The following TLN2 variants were observed in gnomAD, a reference collection of about 807,000 sequenced individuals.
TLN2 encodes talin 2, also known as talin-2.
In TLN2, 118 loss-of-function variants were observed where a neutral mutation model predicts 294.7. That is an observed-to-expected ratio of 0.40 (90% confidence interval 0.34 to 0.47). TLN2 has a LOEUF of 0.47. Among genes scored for constraint, TLN2 ranks in the 20% least tolerant of loss-of-function variants. The pLI is 0.84. For synonymous variants in TLN2, 1,431 were observed against 1,304.5 expected (o/e 1.10, Z -2.09); for missense variants, 3,083 against 3,282.2 (o/e 0.94, Z 1.48).
At chr15:62,642,904 G>T (rs2051307485) in intron 3 of TLN2, among the ~76,000 whole-genome samples, 1 of 152,170 alleles carries the variant, frequency 6.6e-6, no homozygotes, top group Non-Finnish European at 1.5e-5. Context: ...GTTTCGCCAT[G>T]TTGGCCAGGC....
intron 2 of TLN2, among the ~76,000 whole-genome samples, chr15:62,614,852 G>A (rs544320386): frequency 2.6e-5 from 4 of 152,164 alleles, no homozygotes; most frequent in East Asian, 3.9e-4. Flanking sequence ...ATGGAGTTTC[G>A]CTCTGTGCAG....
chr15:62,811,221 G>A (rs939960347), intron 52 of TLN2, among the ~76,000 whole-genome samples: 2 of 152,212 alleles, frequency 1.3e-5, no homozygotes, highest in Non-Finnish European at 2.9e-5. Context: ...ATTCTGAAGT[G>A]CATTTTTTGG....
At chr15:62,730,029 CT>C (rs11368681) in intron 28 of TLN2, among the ~76,000 whole-genome samples, 7 of 121,168 alleles carry the variant, frequency 5.8e-5, no homozygotes, top group Admixed American at 9.7e-5. Context: ...TTATTGTTGT[CT>C]TTTTTTTTTT....
intron 1 of TLN2, among the ~76,000 whole-genome samples, chr15:62,549,480 GCATCCATCCATCCATCCATCCATC>G (rs58665636): frequency 6.8e-6 from 1 of 147,756 alleles, no homozygotes; most frequent in Non-Finnish European, 1.5e-5. Flanking sequence ...TGCATGCCAT[GCATCCATCCATCCATCCATCCATC>G]CATCCATCCA....
intron 21 of TLN2, 43 bp downstream of exon 21, chr15:62,708,839 T>C (rs763041183): frequency 1.9e-5 from 30 of 1,559,864 alleles, no homozygotes; most frequent in Non-Finnish European, 2.5e-5. Context: ...TGGCTTTTGA[T>C]GTTCCTGATG....
chr15:62,611,783 A>C (rs1455066044), intron 2 of TLN2, among the ~76,000 whole-genome samples: 2 of 152,174 alleles, frequency 1.3e-5, no homozygotes, highest in African/African-American at 4.8e-5. Flanking sequence ...TCTACCACTG[A>C]CTAGCCACAT....
chr15:62,778,905 C>A (rs1041924631), intron 43 of TLN2, among the ~76,000 whole-genome samples: 1 of 152,234 alleles, frequency 6.6e-6, no homozygotes, highest in Non-Finnish European at 1.5e-5. Context: ...TCTCCCTTTG[C>A]TCAGCATGTT....
intron 1 of TLN2, among the ~76,000 whole-genome samples, chr15:62,518,045 T>G (rs1427249617): frequency 6.9e-5 from 3 of 43,336 alleles, no homozygotes; most frequent in East Asian, 1.1e-3. Flanking sequence ...CTAGCAGCAG[T>G]TTTTTTTTTT....
In TLN2 at chr15:62,761,753, G is replaced by A. The variant is rs2141021734; in HGVS notation, c.4711G>A (p.Val1571Met). Residue 1571 changes from valine to methionine, a missense_variant, in exon 38 of 59, where the codon GTG becomes ATG. Coordinates refer to ENST00000636159, the MANE Select transcript of TLN2 (RefSeq NM_015059.3). The stretch of plus-strand genomic sequence containing the variant: ...CGCCACCGCACCCTTGATTGAAGCT[G>A]TGGAGAACCTGACAGCGTTCGCCTC... ...RIATAPLIEA[V>M]ENLTAFASNP... 6.2e-7 allele frequency: 1 copy of A among 1,614,200 alleles called. No individual in the cohort carries two copies. Among genetic ancestry groups the A allele is most frequent in the Non-Finnish European group, 8.5e-7 (1 of 1,180,036 alleles).
chr15:62,463,049 C>T (rs4775504), intron 1 of TLN2, among the ~76,000 whole-genome samples: 19,489 of 152,146 alleles, frequency 0.13, 1,409 homozygotes, highest in African/African-American at 0.18. Context: ...GTAGGGGTGC[C>T]TCTTGCCTTT....
At chr15:62,761,962 A>G (rs2062705844) in intron 38 of TLN2, 141 bp downstream of exon 38, 1 of 1,156,848 alleles carries the variant, frequency 8.6e-7, no homozygotes, top group Non-Finnish European at 1.3e-6. Flanking sequence ...TGGCATGTGC[A>G]CAGTTAGTGA....
intron 28 of TLN2, among the ~76,000 whole-genome samples, chr15:62,735,487 C>G (rs1002701256): frequency 2.0e-5 from 3 of 152,284 alleles, no homozygotes; most frequent in African/African-American, 7.2e-5. Context: ...CAAAGATGCT[C>G]AACATCATTA....
chr15:62,817,057 A>G (rs1425542696), intron 52 of TLN2, among the ~76,000 whole-genome samples: 1 of 152,200 alleles, frequency 6.6e-6, no homozygotes, highest in East Asian at 1.9e-4. Context: ...CCACAGCTCT[A>G]TAAAGGAAGA....
intron 2 of TLN2, among the ~76,000 whole-genome samples, chr15:62,603,318 G>A (rs372866144): frequency 3.9e-5 from 6 of 152,180 alleles, no homozygotes; most frequent in African/African-American, 1.4e-4. Flanking sequence ...GCAAATGTGT[G>A]CATACTTTTG....
At chr15:62,709,135 A>C (rs2059259636) in intron 21 of TLN2, among the ~76,000 whole-genome samples, 1 of 152,192 alleles carries the variant, frequency 6.6e-6, no homozygotes, top group African/African-American at 2.4e-5. Context: ...AAGGCTTGGA[A>C]TTTAAGAAGT....
intron 2 of TLN2, among the ~76,000 whole-genome samples, chr15:62,600,738 A>G (rs2046924948): frequency 6.6e-6 from 1 of 152,198 alleles, no homozygotes; most frequent in South Asian, 2.1e-4. Flanking sequence ...AAGTCCAAAG[A>G]TGATTAATTC....
chr15:62,585,766 A>G (rs1303194959), intron 1 of TLN2, among the ~76,000 whole-genome samples: 1 of 152,168 alleles, frequency 6.6e-6, no homozygotes, highest in Non-Finnish European at 1.5e-5. Context: ...GATCTTATCC[A>G]TATTCATAAT....
chr15:62,775,722 A>G (rs956382794), intron 42 of TLN2, among the ~76,000 whole-genome samples: 10 of 152,240 alleles, frequency 6.6e-5, no homozygotes, highest in Admixed American at 6.5e-4. Context: ...AAGATGCAGT[A>G]TCTTGGCCTT....
chr15:62,838,933 TGAC>T lies in TLN2; in HGVS notation c.7458_7460del (p.Asp2487del). On this transcript the variant is annotated inframe_deletion, in exon 58 of 59. Coordinates refer to ENST00000636159, the MANE Select transcript of TLN2 (RefSeq NM_015059.3). ...AGAAGGCAGCTTTTGGCAAAGCTGA[TGAC>T]GACGATGTTGTAGTGAAAACCAAGT... The T allele has an allele frequency of 1.2e-6, 2 of 1,614,224 alleles. No homozygotes were observed. The highest frequency in any genetic ancestry group is 1.7e-6 in the Non-Finnish European group (2 of 1,180,024).
Sources: gnomAD v4.1 joint callset for allele counts (sites outside exome capture counted in the v4.1 genomes callset) on GRCh38, gnomAD v4.1.1 for gene constraint, MANE v1.5 for transcripts, NCBI Gene and HGNC (gene_info 2026-07-23, HGNC 2026-07-21) for gene names.